Variants in TAF4B observed in about 807,000 individuals in gnomAD.
TAF4B encodes transcription initiation factor TFIID subunit 4B.
A neutral mutation model predicts 86.4 loss-of-function variants in TAF4B; 38 were observed. The observed-to-expected ratio is 0.44, with a 90% CI of 0.34 to 0.58. The LOEUF (loss-of-function observed/expected upper bound fraction) is 0.58. TAF4B is among the 20% of genes least tolerant of loss of function. The probability of loss-of-function intolerance (pLI) is 0.02; values close to 1 mark genes in which losing one functional copy is unlikely to be tolerated. For synonymous variants in TAF4B, 388 were observed against 391.2 expected (o/e 0.99, Z 0.10); for missense variants, 988 against 1,027.6 (o/e 0.96, Z 0.53).
intron 1 of TAF4B, among the ~76,000 whole-genome samples, chr18:26,247,965 C>T (rs1420543912): frequency 7.0e-6 from 1 of 142,302 alleles, no homozygotes; most frequent in Non-Finnish European, 1.5e-5. Context: ...AGACTGACCT[C>T]CCTAGCATAA....
At chr18:26,350,750 C>T (rs1215868840) in intron 13 of TAF4B, among the ~76,000 whole-genome samples, 1 of 152,134 alleles carries the variant, frequency 6.6e-6, no homozygotes, top group African/African-American at 2.4e-5. Flanking sequence ...GACATGCAAA[C>T]AGCCAACAGG....
rs539099206 is a variant in TAF4B at position 26,305,488 on chromosome 18, A to G, written c.1833-9741A>G. ...AGTGGTGCGATCTCAGCTCACCACAACCTCCACCTGCTGGGTTCAAACGAT... is the reference window on the plus strand; with the variant it reads ...AGTGGTGCGATCTCAGCTCACCACAGCCTCCACCTGCTGGGTTCAAACGAT... On this transcript the variant is annotated intron_variant, in intron 9 of 14. Transcript: ENST00000269142. Among the ~76,000 whole-genome samples the G allele has an allele frequency of 2.6e-4, 39 of 152,232 alleles. 1 individual carries two copies. The highest frequency in any genetic ancestry group is 7.8e-4 in the Admixed American group (12 of 15,288).
Position 26,315,219 on chromosome 18 carries a change from T to C in TAF4B, c.1833-10T>C, listed in dbSNP as rs1327579644. ...ACCTAAAATGTATAACTTTTTTTTT[T>C]TTCTATTAGAGATGAGGATGACATC... On this transcript the variant is annotated splice_polypyrimidine_tract_variant and intron_variant, in intron 9 of 14. Transcript: ENST00000269142. The C allele has an allele frequency of 1.0e-5, 16 of 1,582,486 alleles. No individual in the cohort carries two copies. Among genetic ancestry groups the C allele is most frequent in the Non-Finnish European group, 1.4e-5 (16 of 1,168,904 alleles).
At chr18:26,269,182 GT>G (rs1244142656) in intron 3 of TAF4B, among the ~76,000 whole-genome samples, 1 of 152,068 alleles carries the variant, frequency 6.6e-6, no homozygotes, top group Non-Finnish European at 1.5e-5. Flanking sequence ...TGGTAGAGGT[GT>G]TTGCTTCCTG....
intron 3 of TAF4B, among the ~76,000 whole-genome samples, chr18:26,269,322 T>C (rs10083975): frequency 1 from 151,628 of 152,222 alleles, 75,522 homozygotes; most frequent in East Asian, 1. Context: ...GACATAGTAC[T>C]ATATGGAAAT....
intron 14 of TAF4B, among the ~76,000 whole-genome samples, chr18:26,359,329 A>T (rs1348956459): frequency 6.6e-6 from 1 of 152,082 alleles, no homozygotes. Context: ...TTGCACTTAT[A>T]TTGTTGTGTG....
Position 26,286,162 on chromosome 18 carries a change from C to CAGGA in TAF4B, c.1253_1254insAGGA (p.Ala419GlyfsTer36). On this transcript the variant is annotated frameshift_variant, in exon 7 of 15. Coordinates refer to ENST00000269142, the MANE Select transcript of TAF4B (RefSeq NM_005640.3). LOFTEE classifies it high-confidence loss of function. ...GTGACACTTCATTCTGTGGGCCCAA[C>CAGGA]TGCTGCAACAGGAGGAACAACAGCT... is the stretch of plus-strand genomic sequence containing the variant. 1 of 1,614,210 alleles carries CAGGA rather than the reference C, an allele frequency of 6.2e-7. No homozygotes were observed. The highest frequency in any genetic ancestry group is 8.5e-7 in the Non-Finnish European group (1 of 1,180,030).
At chr18:26,386,548 A>G (rs1978377672) in intron 14 of TAF4B, among the ~76,000 whole-genome samples, 1 of 151,768 alleles carries the variant, frequency 6.6e-6, no homozygotes, top group African/African-American at 2.4e-5. Context: ...CCAGAACTCC[A>G]GAAAACTTCA....
chr18:26,277,129 C>T lies in TAF4B; in HGVS notation c.882+2076C>T, dbSNP rs371709200. Among the ~76,000 whole-genome samples the T allele has an allele frequency of 7.2e-5, 11 of 152,178 alleles. 1 individual carries two copies. The South Asian group carries it at 1.5e-3, about 20-fold the overall frequency. On this transcript the variant is annotated intron_variant, in intron 5 of 14. Transcript: ENST00000269142. ...TAGGGTCTTAACTCTGTCACCCAGGCTGGAGTGCAGTGGCGTGAACAAGGC... is the reference window on the plus strand; with the variant it reads ...TAGGGTCTTAACTCTGTCACCCAGGTTGGAGTGCAGTGGCGTGAACAAGGC...
At chr18:26,258,317 CT>C (rs2056116081) in intron 1 of TAF4B, among the ~76,000 whole-genome samples, 1 of 151,800 alleles carries the variant, frequency 6.6e-6, no homozygotes, top group Non-Finnish European at 1.5e-5. Flanking sequence ...GTTATATTAC[CT>C]TATTTGTCTT....
chr18:26,296,713 C>G (rs2056667092), intron 9 of TAF4B, among the ~76,000 whole-genome samples: 1 of 152,158 alleles, frequency 6.6e-6, no homozygotes, highest in Non-Finnish European at 1.5e-5. Context: ...CTTTGCACTC[C>G]TTACCAGCCA....
intron 6 of TAF4B, among the ~76,000 whole-genome samples, chr18:26,283,089 C>T (rs1467008644): frequency 6.6e-6 from 1 of 152,172 alleles, no homozygotes; most frequent in African/African-American, 2.4e-5. Flanking sequence ...TGGGGATCCA[C>T]TTCTTATGAA....
chr18:26,381,179 T>C (rs957271878), intron 14 of TAF4B, among the ~76,000 whole-genome samples: 1 of 151,908 alleles, frequency 6.6e-6, no homozygotes, highest in African/African-American at 2.4e-5. Context: ...CACGCCTGGC[T>C]AATTTTAGCA....
chr18:26,311,930 G>A (rs6508433), intron 9 of TAF4B, among the ~76,000 whole-genome samples: 28,637 of 152,098 alleles, frequency 0.19, 4,003 homozygotes, highest in African/African-American at 0.4. Context: ...ATTCTCAAAA[G>A]CTAAAGAATT....
At chr18:26,231,341 TGGG>T (rs370267791) in intron 1 of TAF4B, among the ~76,000 whole-genome samples, 11 of 76,122 alleles carry the variant, frequency 1.4e-4, no homozygotes, top group Admixed American at 4.1e-4. Flanking sequence ...CCCAGCTGCT[TGGG>T]GTTTTTTTTT....
intron 1 of TAF4B, among the ~76,000 whole-genome samples, chr18:26,244,601 T>G (rs72878301): frequency 0.044 from 6,678 of 152,268 alleles, 203 homozygotes; most frequent in Non-Finnish European, 0.061. Context: ...CCCAGTTAGA[T>G]GAACCCAGTA....
chr18:26,264,726 T>C lies in TAF4B; in HGVS notation c.344-444T>C, dbSNP rs533441861. Among the ~76,000 whole-genome samples, 144 of 152,350 alleles carry C rather than the reference T, an allele frequency of 9.5e-4. 1 individual carries two copies. The highest frequency in any genetic ancestry group is 3.2e-3 in the African/African-American group (133 of 41,580). ...TTTCTCAAATTTTATCTTTTTCGTA[T>C]AGATAGCTAATTGACCAGCCCCACT... On this transcript the variant is annotated intron_variant, in intron 1 of 14. Coordinates refer to ENST00000269142, the MANE Select transcript of TAF4B (RefSeq NM_005640.3).
At chr18:26,340,774 C>CA (rs149771900) in intron 13 of TAF4B, among the ~76,000 whole-genome samples, 1,524 of 152,154 alleles carry the variant, frequency 0.01, 10 homozygotes, top group African/African-American at 0.034. Context: ...CTTTAAAAGT[C>CA]ATCACTTTTA....
chr18:26,234,009 A>G (rs1488032535), intron 1 of TAF4B, among the ~76,000 whole-genome samples: 1 of 152,148 alleles, frequency 6.6e-6, no homozygotes, highest in Non-Finnish European at 1.5e-5. Flanking sequence ...CCTATATGAA[A>G]AGTTTGGTGG....
Sources: allele counts gnomAD v4.1 joint callset (sites outside exome capture counted in the v4.1 genomes callset), GRCh38; gene constraint gnomAD v4.1.1; transcripts MANE v1.5; gene names NCBI Gene and HGNC (gene_info 2026-07-23, HGNC 2026-07-21).